The following LRRC4C variants were observed in gnomAD, a reference collection of about 807,000 sequenced individuals.
LRRC4C encodes leucine rich repeat containing 4C, also known as leucine-rich repeat-containing protein 4C.
In LRRC4C, 5 loss-of-function variants were observed where a neutral mutation model predicts 33.6. The observed-to-expected ratio is 0.15, with a 90% CI of 0.08 to 0.31. The LOEUF (loss-of-function observed/expected upper bound fraction) is 0.31. LRRC4C is among the 10% of genes least tolerant of loss of function. The probability of loss-of-function intolerance (pLI) is 1.00; values close to 1 mark genes in which losing one functional copy is unlikely to be tolerated. For missense variants in LRRC4C, 560 were observed against 796.7 expected, an observed-to-expected ratio of 0.70 and a Z score of 3.58; for synonymous variants, 329 against 302.0, an observed-to-expected ratio of 1.09 and a Z score of -0.93.
intron 1 of LRRC4C, among the ~76,000 whole-genome samples, chr11:41,453,812 T>C (rs1321007156): frequency 6.6e-6 from 1 of 152,124 alleles, no homozygotes; most frequent in African/African-American, 2.4e-5. Flanking sequence ...TGGTAATATA[T>C]TTTGCAGTAT....
intron 3 of LRRC4C, among the ~76,000 whole-genome samples, chr11:40,481,280 A>G (rs1953548526): frequency 6.6e-6 from 1 of 152,032 alleles, no homozygotes; most frequent in Non-Finnish European, 1.5e-5. Context: ...CTTGCCTCTC[A>G]GTGTGGCATT....
chr11:40,380,160 G>C lies in LRRC4C; in HGVS notation c.-269-60439C>G, dbSNP rs573424419. 3.0e-4 allele frequency among the ~76,000 whole-genome samples: 46 copies of C among 152,220 alleles called. 1 individual carries two copies. The highest frequency in any genetic ancestry group is 1.9e-3 in the South Asian group (9 of 4,830). ...AAATCAAAAAATATTTCACGGAGGA[G>C]GCTATGCTTCAATTAAACCTGAGGG... On this transcript the variant is annotated intron_variant, in intron 3 of 6. Transcript: ENST00000528697.
Position 41,235,735 on chromosome 11 carries a change from T to A in LRRC4C, c.-496+223696A>T, listed in dbSNP as rs145503250. ...CGGTATCACTGGAGTCTATAACTGA[T>A]GTCATCTGTACTTGGATAATTTGCC... On this transcript the variant is annotated intron_variant, in intron 1 of 6. Transcript: ENST00000528697. Among the ~76,000 whole-genome samples the A allele has an allele frequency of 7.2e-5, 11 of 152,258 alleles. No individual in the cohort carries two copies. In the East Asian group the frequency reaches 1.9e-3, roughly 27 times the overall value.
At chr11:40,815,243 G>C (rs1322392918) in intron 2 of LRRC4C, among the ~76,000 whole-genome samples, 1 of 152,056 alleles carries the variant, frequency 6.6e-6, no homozygotes, top group East Asian at 1.9e-4. Context: ...GCATGTGTAG[G>C]GGACCTCCCT....
At chr11:40,589,326 C>G (rs1215931134) in intron 3 of LRRC4C, among the ~76,000 whole-genome samples, 2 of 151,812 alleles carry the variant, frequency 1.3e-5, no homozygotes, top group South Asian at 2.1e-4. Flanking sequence ...TTTCCATTTG[C>G]TTGGTAGATC....
chr11:41,346,136 G>A (rs1951796642), intron 1 of LRRC4C, among the ~76,000 whole-genome samples: 1 of 152,114 alleles, frequency 6.6e-6, no homozygotes, highest in South Asian at 2.1e-4. Context: ...AGGCCCCAAG[G>A]GAGTTTTCAT....
intron 1 of LRRC4C, among the ~76,000 whole-genome samples, chr11:40,970,985 C>T (rs1851687920): frequency 6.6e-6 from 1 of 152,182 alleles, no homozygotes; most frequent in Non-Finnish European, 1.5e-5. Context: ...AACCTATACT[C>T]ACATGTGTGA....
intron 3 of LRRC4C, among the ~76,000 whole-genome samples, chr11:40,369,861 A>T (rs1187602882): frequency 6.6e-6 from 1 of 152,192 alleles, no homozygotes; most frequent in Non-Finnish European, 1.5e-5. Context: ...AGGTACAGGA[A>T]GCAAATACCT....
At chr11:40,730,825 C>T (rs534989563) in intron 2 of LRRC4C, among the ~76,000 whole-genome samples, 1 of 152,276 alleles carries the variant, frequency 6.6e-6, no homozygotes, top group South Asian at 2.1e-4. Flanking sequence ...AAGTGAAGCC[C>T]ACCTTTTCTG....
At chr11:40,511,710 C>T (rs1045175205) in intron 3 of LRRC4C, among the ~76,000 whole-genome samples, 6 of 152,142 alleles carry the variant, frequency 3.9e-5, no homozygotes, top group African/African-American at 1.4e-4. Context: ...ATGATAAGTA[C>T]AGCAAAGAAG....
At chr11:41,283,910 A>C (rs142542258) in intron 1 of LRRC4C, among the ~76,000 whole-genome samples, 1 of 152,226 alleles carries the variant, frequency 6.6e-6, no homozygotes, top group South Asian at 2.1e-4. Flanking sequence ...TAATAATAGT[A>C]CCTATCTTTT....
chr11:40,140,344 T>A (rs1010421981), intron 6 of LRRC4C, among the ~76,000 whole-genome samples: 3 of 152,080 alleles, frequency 2.0e-5, no homozygotes, highest in African/African-American at 7.2e-5. Context: ...TATGCGATGG[T>A]TTGCTGGTGG....
intron 3 of LRRC4C, among the ~76,000 whole-genome samples, chr11:40,647,829 G>T (rs116219843): frequency 6.6e-6 from 1 of 152,128 alleles, no homozygotes; most frequent in Non-Finnish European, 1.5e-5. Context: ...CTGGGGTAGC[G>T]CTCAGAAACA....
intron 1 of LRRC4C, among the ~76,000 whole-genome samples, chr11:41,138,012 A>T (rs1943340559): frequency 6.6e-6 from 1 of 152,166 alleles, no homozygotes. Flanking sequence ...TTAAGTAGCT[A>T]ATCAAATAAA....
intron 5 of LRRC4C, among the ~76,000 whole-genome samples, chr11:40,206,409 TA>T (rs1294278861): frequency 0.017 from 1,809 of 106,960 alleles, 31 homozygotes; most frequent in African/African-American, 0.055. Context: ...CTAATTTTTG[TA>T]TTTTTTTTTT....
chr11:40,465,038 G>A (rs1395370667), intron 3 of LRRC4C, among the ~76,000 whole-genome samples: 1 of 151,932 alleles, frequency 6.6e-6, no homozygotes, highest in Non-Finnish European at 1.5e-5. Flanking sequence ...CACAGCTGGA[G>A]GCATCACATA....
intron 3 of LRRC4C, among the ~76,000 whole-genome samples, chr11:40,434,418 A>G (rs1304638502): frequency 6.6e-6 from 1 of 152,222 alleles, no homozygotes; most frequent in African/African-American, 2.4e-5. Flanking sequence ...ATGAGGCAAA[A>G]ATAGCCAAAT....
intron 1 of LRRC4C, among the ~76,000 whole-genome samples, chr11:41,270,395 A>C (rs1023794668): frequency 1.3e-5 from 2 of 152,126 alleles, no homozygotes; most frequent in Admixed American, 6.6e-5. Flanking sequence ...ACAAATTATA[A>C]AGTTGTATTA....
intron 3 of LRRC4C, among the ~76,000 whole-genome samples, chr11:40,350,490 T>C (rs1199974836): frequency 3.3e-5 from 5 of 152,116 alleles, no homozygotes; most frequent in Non-Finnish European, 7.4e-5. Flanking sequence ...TTTTGGTTAC[T>C]ATAGCTCTGT....
Sources: gnomAD v4.1 joint callset for allele counts (sites outside exome capture counted in the v4.1 genomes callset) on GRCh38, gnomAD v4.1.1 for gene constraint, MANE v1.5 for transcripts, NCBI Gene and HGNC (gene_info 2026-07-23, HGNC 2026-07-21) for gene names.